The following GRID1 variants were observed in gnomAD, a reference collection of about 807,000 sequenced individuals.
GRID1 encodes the protein glutamate receptor ionotropic, delta-1.
Under a neutral mutation model 98.0 loss-of-function variants are expected in GRID1, and 28 were observed. That is an observed-to-expected ratio of 0.29 (90% CI 0.21 to 0.39). GRID1 has a LOEUF of 0.39. GRID1 is among the 10% of genes least tolerant of loss of function. The pLI is 1.00. For synonymous variants in GRID1, 553 were observed against 538.5 expected (o/e 1.03, Z -0.37); for missense variants, 1,111 against 1,340.5 (o/e 0.83, Z 2.67).
chr10:86,330,049 A>C (rs1465406057), intron 2 of GRID1, among the ~76,000 whole-genome samples: 1 of 151,956 alleles, frequency 6.6e-6, no homozygotes, highest in East Asian at 1.9e-4. Context: ...CTCCCCACAA[A>C]GTCCTTCCCC....
intron 13 of GRID1, among the ~76,000 whole-genome samples, chr10:85,626,798 A>G (rs1161560999): frequency 1.3e-5 from 2 of 152,202 alleles, no homozygotes; most frequent in African/African-American, 4.8e-5. Flanking sequence ...TTCAACAGTA[A>G]AAACCCAGAC....
intron 4 of GRID1, among the ~76,000 whole-genome samples, chr10:85,968,051 T>G (rs1589317578): frequency 1.3e-5 from 2 of 152,290 alleles, no homozygotes; most frequent in Non-Finnish European, 1.5e-5. Context: ...CAATAGATAA[T>G]AATCTGAATT....
intron 8 of GRID1, among the ~76,000 whole-genome samples, chr10:85,730,368 T>C (rs1004533772): frequency 1.3e-5 from 2 of 152,184 alleles, no homozygotes; most frequent in Non-Finnish European, 2.9e-5. Context: ...GCAGGGTCTA[T>C]ACAACGACAA....
intron 4 of GRID1, among the ~76,000 whole-genome samples, chr10:86,069,505 C>T (rs972640949): frequency 2.6e-5 from 4 of 152,074 alleles, no homozygotes; most frequent in African/African-American, 9.7e-5. Context: ...AAAATTGGCA[C>T]GGTGTGGTGG....
At chr10:85,902,790 T>A (rs1404416832) in intron 5 of GRID1, among the ~76,000 whole-genome samples, 1 of 152,314 alleles carries the variant, frequency 6.6e-6, no homozygotes, top group Non-Finnish European at 1.5e-5. Context: ...CCTCCCACCT[T>A]TCCCGGCATT....
Position 85,767,909 on chromosome 10 carries a change from C to T in GRID1, c.1234-38295G>A, listed in dbSNP as rs192065217. On this transcript the variant is annotated intron_variant, in intron 8 of 15. Coordinates refer to ENST00000327946, the MANE Select transcript of GRID1 (RefSeq NM_017551.3). Reference sequence around the variant, plus strand: ...CACAGCTATAGTGACTACACAGGCACATTAGACACATTGAGCCTTTACATT... The same window carrying T: ...CACAGCTATAGTGACTACACAGGCATATTAGACACATTGAGCCTTTACATT... Among the ~76,000 whole-genome samples, 9 of 152,274 alleles carry T rather than the reference C, an allele frequency of 5.9e-5. No individual in the cohort carries two copies. The East Asian group carries it at 9.6e-4, about 16-fold the overall frequency.
chr10:85,943,628 C>T (rs1455683022), intron 4 of GRID1, among the ~76,000 whole-genome samples: 1 of 152,150 alleles, frequency 6.6e-6, no homozygotes, highest in African/African-American at 2.4e-5. Flanking sequence ...GCAGAGCCCA[C>T]CTCTATGAAA....
chr10:86,027,005 T>C (rs1589342013), intron 4 of GRID1, among the ~76,000 whole-genome samples: 1 of 152,174 alleles, frequency 6.6e-6, no homozygotes, highest in Admixed American at 6.5e-5. Flanking sequence ...AGTGGGGCCA[T>C]GGGAGGCAGG....
At chr10:85,644,957 G>T (rs1843166552) in intron 13 of GRID1, among the ~76,000 whole-genome samples, 1 of 152,182 alleles carries the variant, frequency 6.6e-6, no homozygotes, top group African/African-American at 2.4e-5. Context: ...TGCCTCTTCT[G>T]TGGAAGGCCT....
intron 4 of GRID1, among the ~76,000 whole-genome samples, chr10:86,040,849 C>T (rs540435254): frequency 8.6e-4 from 131 of 152,288 alleles, no homozygotes; most frequent in African/African-American, 3.0e-3. Flanking sequence ...AAACATCACA[C>T]GGTACCCCCA....
intron 12 of GRID1, among the ~76,000 whole-genome samples, chr10:85,669,684 G>T (rs545282629): frequency 6.6e-6 from 1 of 152,278 alleles, no homozygotes; most frequent in South Asian, 2.1e-4. Context: ...GCTGTCTAGG[G>T]AAGGACTGCT....
At chr10:85,919,237 G>A (rs377320016) in intron 4 of GRID1, among the ~76,000 whole-genome samples, 60 of 152,324 alleles carry the variant, frequency 3.9e-4, no homozygotes, top group Middle Eastern at 3.4e-3. Context: ...ACCCTAAGAA[G>A]TACTTCCACC....
At chr10:85,816,622 A>C (rs1842718302) in intron 8 of GRID1, among the ~76,000 whole-genome samples, 1 of 152,212 alleles carries the variant, frequency 6.6e-6, no homozygotes, top group African/African-American at 2.4e-5. Flanking sequence ...GACACTGTGC[A>C]TTTGTCAAAA....
At position 85,841,285 on chromosome 10, in the gene GRID1, T is replaced by C. The variant is rs112822280; in HGVS notation, c.1233+13211A>G. On this transcript the variant is annotated intron_variant, in intron 8 of 15. Transcript: ENST00000327946. ...GTGCTGGAATAACTGGCTAGCCATA[T>C]GCAGATTGAAACTGGACTCCTTCCT... Among the ~76,000 whole-genome samples, 868 of 152,154 alleles carry C rather than the reference T, an allele frequency of 5.7e-3. 8 individuals carry two copies. Among genetic ancestry groups the C allele is most frequent in the African/African-American group, 0.02 (816 of 41,550 alleles).
intron 8 of GRID1, among the ~76,000 whole-genome samples, chr10:85,847,085 C>T (rs1843013412): frequency 6.6e-6 from 1 of 152,244 alleles, no homozygotes; most frequent in South Asian, 2.1e-4. Flanking sequence ...GCAGGAAACC[C>T]TCACCTGCTA....
chr10:85,711,103 G>A (rs973512639), intron 12 of GRID1, among the ~76,000 whole-genome samples: 3 of 151,972 alleles, frequency 2.0e-5, no homozygotes, highest in Non-Finnish European at 4.4e-5. Flanking sequence ...ATTACCATAT[G>A]ATCCAGCAAT....
chr10:86,060,198 T>C (rs1423257383), intron 4 of GRID1, among the ~76,000 whole-genome samples: 1 of 152,216 alleles, frequency 6.6e-6, no homozygotes, highest in East Asian at 1.9e-4. Context: ...ACTAAATTAA[T>C]AAATCAAATG....
intron 3 of GRID1, among the ~76,000 whole-genome samples, chr10:86,159,587 GATGCACTTCTCATTAAGCA>G (rs1365762986): frequency 6.6e-6 from 1 of 152,202 alleles, no homozygotes; most frequent in Non-Finnish European, 1.5e-5. Flanking sequence ...GCCCACCTAA[GATGCACTTCTCATTAAGCA>G]ATGCACAACT....
intron 10 of GRID1, among the ~76,000 whole-genome samples, chr10:85,727,325 C>G (rs901384876): frequency 6.6e-6 from 1 of 152,142 alleles, no homozygotes; most frequent in Non-Finnish European, 1.5e-5. Context: ...AGAATGGGGA[C>G]ATGGTAAGTT....
Sources: gnomAD v4.1 joint callset for allele counts (sites outside exome capture counted in the v4.1 genomes callset) on GRCh38, gnomAD v4.1.1 for gene constraint, MANE v1.5 for transcripts, NCBI Gene and HGNC (gene_info 2026-07-23, HGNC 2026-07-21) for gene names.